ZNF44: variants seen among roughly 807,000 people sequenced by gnomAD.
ZNF44 encodes the protein gonadotropin inducible transcription repressor-2.
ZNF44 carries 9 observed loss-of-function variants against 11.7 expected under a neutral mutation model. The observed-to-expected ratio is 0.77, with a 90% CI of 0.46 to 1.35. The LOEUF (loss-of-function observed/expected upper bound fraction) is 1.35, where lower values mean the gene tolerates loss of function less well. Among genes scored for constraint, ZNF44 ranks in the 40% most tolerant of loss-of-function variants. The pLI, the probability that ZNF44 is intolerant of heterozygous loss-of-function variation, is 0.00. For synonymous variants in ZNF44, 224 were observed against 242.7 expected (o/e 0.92, Z 0.72); for missense variants, 696 against 743.1 (o/e 0.94, Z 0.74).
At chr19:12,263,959 AGCATGT>A (rs1320754981) in intron 5 of ZNF44, among the ~76,000 whole-genome samples, 1 of 150,314 alleles carries the variant, frequency 6.7e-6, no homozygotes, top group Admixed American at 6.6e-5. Context: ...CAAGCATGAT[AGCATGT>A]GCCTGTAGTC....
At chr19:12,258,784 C>T (rs969495477) in intron 5 of ZNF44, among the ~76,000 whole-genome samples, 2 of 152,202 alleles carry the variant, frequency 1.3e-5, no homozygotes, top group East Asian at 3.9e-4. Flanking sequence ...GAGCTGAGAT[C>T]CCGCCATGCA....
rs746838679 is a variant in ZNF44 at position 12,272,540 on chromosome 19, G to C, written c.1715C>G (p.Ser572Cys). ...CKHCGKAFSR[S>C]SFCREHERTH... is the part of the protein sequence containing the mutation. ...TCTTTCATGTTCTCGACAGAAACTG[G>C]AACGACTGAAGGCTTTACCACAGTG... Residue 572 changes from serine to cysteine, a missense_variant, in exon 4 of 4, where the codon TCC becomes TGC. By Grantham distance (112) the Ser-to-Cys change is moderately radical. Coordinates refer to ENST00000355684, the MANE Select transcript of ZNF44 (RefSeq NM_016264.4). The C allele has an allele frequency of 2.5e-5, 41 of 1,612,916 alleles. No homozygotes were observed. Among genetic ancestry groups the C allele is most frequent in the Non-Finnish European group, 3.4e-5 (40 of 1,179,630 alleles).
Position 12,294,685 on chromosome 19 carries a change from C to A in ZNF44, c.3+7G>T, listed in dbSNP as rs1362901843. 1 of 1,562,220 alleles carries A rather than the reference C, an allele frequency of 6.4e-7. No homozygotes were observed. Among genetic ancestry groups the A allele is most frequent in the South Asian group, 1.2e-5 (1 of 84,646 alleles). ...CTGCCTCAGGACGCCGGGCCCCGCA[C>A]ACTCACCATTTCCCGGCTGTGCGGT... On this transcript the variant is annotated splice_region_variant and intron_variant, in intron 1 of 3. Transcript: ENST00000355684.
At chr19:12,268,594 T>C (rs563473390), downstream of ZNF44, among the ~76,000 whole-genome samples, 3 of 152,260 alleles carry the variant, frequency 2.0e-5, no homozygotes, top group Admixed American at 1.3e-4. Flanking sequence ...TACACTGTTA[T>C]TTATTTTGAG....
At chr19:12,253,041 C>T (rs1025155486) in intron 5 of ZNF44, among the ~76,000 whole-genome samples, 2 of 151,840 alleles carry the variant, frequency 1.3e-5, no homozygotes, top group Non-Finnish European at 2.9e-5. Context: ...GCGTGTGCCA[C>T]CACACCCAGC....
At chr19:12,266,307 T>C in intron 5 of ZNF44, 5 of 985,288 alleles carry the variant, frequency 5.1e-6, no homozygotes, top group Non-Finnish European at 6.0e-6. Context: ...CCCAGCATCC[T>C]CCTGATGGCT....
At chr19:12,226,946 A>G (rs376842147) in intron 3 of ZNF44, among the ~76,000 whole-genome samples, 1 of 152,190 alleles carries the variant, frequency 6.6e-6, no homozygotes, top group African/African-American at 2.4e-5. Flanking sequence ...AACGCCTGTA[A>G]TCCCAGCTAC....
Position 12,272,376 on chromosome 19 carries a change from A to G in ZNF44, c.*31T>C. 6.7e-7 allele frequency: 1 copy of G among 1,493,106 alleles called. No individual in the cohort carries two copies. The highest frequency in any genetic ancestry group is 8.9e-7 in the Non-Finnish European group (1 of 1,123,412). The allele number at this position is 1,493,106 out of a possible 1,614,324, so 92.5% of individuals were successfully genotyped here. A position where few individuals can be genotyped will look rare whatever the true frequency, so the allele number is the denominator to read the frequency against. On this transcript the variant is annotated 3_prime_UTR_variant, in exon 4 of 4. Transcript: ENST00000355684. ...CTTTCAAGTATCTGAATGTGATAAA[A>G]CCAATGAATGCTTTCCCACATTCCA...
At chr19:12,291,030 G>C (rs2145772090) in intron 1 of ZNF44, 1 of 249,652 alleles carries the variant, frequency 4.0e-6, no homozygotes, top group Non-Finnish European at 8.0e-6. Context: ...GAAGGAAATT[G>C]TAAGTCACTT....
At chr19:12,284,979 G>C in intron 1 of ZNF44, 1 of 721,992 alleles carries the variant, frequency 1.4e-6, no homozygotes, top group South Asian at 1.5e-5. Context: ...ATACACCTCA[G>C]CCCGGGGCTG....
chr19:12,275,994 T>C lies in ZNF44; in HGVS notation c.92A>G (p.Asp31Gly). 31 of 1,609,054 alleles carry C rather than the reference T, an allele frequency of 1.9e-5. No individual in the cohort carries two copies. The highest frequency in any genetic ancestry group is 2.6e-5 in the Non-Finnish European group (31 of 1,176,540). Residue 31 changes from aspartate (D) to glycine (G), a missense_variant, in exon 2 of 4, where the codon GAT (aspartate) becomes GGT (glycine). Coordinates refer to ENST00000355684, the MANE Select transcript of ZNF44 (RefSeq NM_016264.4). ...GTTCCTAATGGTTTCTCGCATCACA[T>C]CTCTGTAGAGATTCTTCTGTGATGG... ...LGPSQKNLYR[D>G]VMRETIRNLN... is the part of the protein sequence containing the mutation.
chr19:12,227,613 A>C (rs907120478), intron 3 of ZNF44, among the ~76,000 whole-genome samples: 1 of 152,240 alleles, frequency 6.6e-6, no homozygotes, highest in Non-Finnish European at 1.5e-5. Flanking sequence ...TCTCAGAAAA[A>C]AAGTTTTAGA....
chr19:12,274,266 C>CTTTTTTTT (rs869093549), intron 3 of ZNF44, among the ~76,000 whole-genome samples: 15 of 90,220 alleles, frequency 1.7e-4, no homozygotes, highest in Non-Finnish European at 2.3e-4. Flanking sequence ...ATTCTTAATT[C>CTTTTTTTT]TTTTTTTTTT....
chr19:12,291,227 A>C (rs1156247792), intron 1 of ZNF44: 8 of 455,740 alleles, frequency 1.8e-5, no homozygotes, highest in Non-Finnish European at 3.5e-5. Context: ...GACCAGACTT[A>C]TCCACTGTCC....
downstream of ZNF44, among the ~76,000 whole-genome samples, chr19:12,269,713 G>A (rs540127588): frequency 6.6e-6 from 1 of 152,188 alleles, no homozygotes; most frequent in East Asian, 1.9e-4. Flanking sequence ...ATTTTCTGGA[G>A]CACTATACAT....
At chr19:12,258,660 T>C (rs1917370510) in intron 5 of ZNF44, among the ~76,000 whole-genome samples, 1 of 152,010 alleles carries the variant, frequency 6.6e-6, no homozygotes, top group Non-Finnish European at 1.5e-5. Flanking sequence ...CAAAACCTCG[T>C]CTCTACGAAA....
At chr19:12,245,337 T>C (rs1220299502), downstream of ZNF44, among the ~76,000 whole-genome samples, 1 of 152,086 alleles carries the variant, frequency 6.6e-6, no homozygotes, top group Non-Finnish European at 1.5e-5. Flanking sequence ...ACAAGTTGTT[T>C]TAAAAGAGTT....
At chr19:12,233,887 C>A (rs1330824885) in intron 2 of ZNF44, among the ~76,000 whole-genome samples, 2 of 151,998 alleles carry the variant, frequency 1.3e-5, no homozygotes, top group East Asian at 3.9e-4. Context: ...CATGATAAAA[C>A]CCTGTCTCTA....
intron 1 of ZNF44, among the ~76,000 whole-genome samples, chr19:12,294,206 T>A (rs1968140120): frequency 6.6e-6 from 1 of 152,108 alleles, no homozygotes; most frequent in African/African-American, 2.4e-5. Context: ...TCACCTCCAG[T>A]CCCAAGATTC....
Sources: allele counts gnomAD v4.1 joint callset (sites outside exome capture counted in the v4.1 genomes callset), GRCh38; gene constraint gnomAD v4.1.1; transcripts MANE v1.5; gene names NCBI Gene and HGNC (gene_info 2026-07-23, HGNC 2026-07-21).